LAMB4: variants seen among roughly 807,000 people sequenced by gnomAD.
LAMB4 encodes laminin subunit beta-4.
In LAMB4, 196 loss-of-function variants were observed where a neutral mutation model predicts 199.2. The ratio of observed to expected loss-of-function variants is 0.98; its 90% CI spans 0.88 to 1.11. LAMB4 has a LOEUF of 1.11. Among genes scored for constraint, LAMB4 ranks in the 50% least tolerant of loss-of-function variants. The pLI, the probability that LAMB4 is intolerant of heterozygous loss-of-function variation, is 0.00. For synonymous variants in LAMB4, 744 were observed against 770.6 expected, an observed-to-expected ratio of 0.97 and a Z score of 0.57; for missense variants, 2,080 against 2,171.2, an observed-to-expected ratio of 0.96 and a Z score of 0.83.
At chr7:108,116,693 G>A (rs1229906601) in intron 2 of LAMB4, among the ~76,000 whole-genome samples, 2 of 152,126 alleles carry the variant, frequency 1.3e-5, no homozygotes, top group Non-Finnish European at 2.9e-5. Flanking sequence ...AAACACTTGG[G>A]AAATCCTAAA....
At chr7:108,113,428 C>T (rs904433061) in intron 3 of LAMB4, among the ~76,000 whole-genome samples, 6 of 152,124 alleles carry the variant, frequency 3.9e-5, no homozygotes, top group Non-Finnish European at 5.9e-5. Flanking sequence ...ATCAACCCTT[C>T]GAGAGATTCA....
At position 108,116,009 on chromosome 7, in the gene LAMB4, G is replaced by C; in HGVS notation, c.187C>G (p.Leu63Val). 6.2e-7 allele frequency: 1 copy of C among 1,611,372 alleles called. No individual in the cohort carries two copies. The highest frequency in any genetic ancestry group is 8.5e-7 in the Non-Finnish European group (1 of 1,178,362). ...TAAACAAAGAGCCAACCCACCTCCAGGTAACTGAGGATGCAGTATTTCTGG... is the reference window on the plus strand; with the variant it reads ...TAAACAAAGAGCCAACCCACCTCCACGTAACTGAGGATGCAGTATTTCTGG... ...RAQKYCILSYLEGEQKCFICD... is the reference protein window; with the variant it reads ...RAQKYCILSYVEGEQKCFICD... Residue 63 changes from leucine to valine, a missense_variant, in exon 3 of 34, where the codon CTG (leucine) becomes GTG (valine). Transcript: ENST00000388781.
At chr7:108,112,799 G>T (rs979550923) in intron 3 of LAMB4, among the ~76,000 whole-genome samples, 10 of 152,312 alleles carry the variant, frequency 6.6e-5, no homozygotes, top group Non-Finnish European at 1.3e-4. Context: ...GGAAGCGGGG[G>T]CTGATCATTA....
intron 16 of LAMB4, among the ~76,000 whole-genome samples, 154 bp from the exon 17 acceptor site, chr7:108,077,218 T>C (rs1224308024): frequency 6.6e-6 from 1 of 152,050 alleles, no homozygotes; most frequent in Non-Finnish European, 1.5e-5. Flanking sequence ...CACAGGTGGG[T>C]TGGTTGGATG....
chr7:108,026,569 A>C (rs1008420769), intron 33 of LAMB4: 1 of 168,264 alleles, frequency 5.9e-6, no homozygotes, highest in African/African-American at 2.4e-5. Flanking sequence ...GGTTATTTTA[A>C]GCCATTACAT....
chr7:108,129,288 C>A (rs2038900568), intron 1 of LAMB4, among the ~76,000 whole-genome samples: 1 of 152,202 alleles, frequency 6.6e-6, no homozygotes, highest in African/African-American at 2.4e-5. Context: ...TCTACTACAG[C>A]ACCTTTCTTC....
intron 29 of LAMB4, among the ~76,000 whole-genome samples, chr7:108,042,941 G>C (rs1232371341): frequency 7.8e-5 from 10 of 127,828 alleles, no homozygotes; most frequent in Admixed American, 7.8e-5. Flanking sequence ...CAATCTCTGT[G>C]TGTGTGTGTG....
intron 8 of LAMB4, among the ~76,000 whole-genome samples, chr7:108,104,939 G>C (rs374170249): frequency 1.3e-4 from 20 of 152,128 alleles, no homozygotes; most frequent in African/African-American, 4.1e-4. Context: ...GGGGAGTTGG[G>C]GGGGAGTAGT....
chr7:108,033,735 ATT>A (rs556578520), intron 31 of LAMB4, among the ~76,000 whole-genome samples: 21,085 of 101,854 alleles, frequency 0.21, 3,282 homozygotes, highest in African/African-American at 0.5. Context: ...TTGGATGAGT[ATT>A]TTTTTTTTTT....
At chr7:108,066,736 C>A in intron 19 of LAMB4, 136 bp from the exon 20 acceptor site, 2 of 596,738 alleles carry the variant, frequency 3.4e-6, no homozygotes, top group South Asian at 4.3e-5. Flanking sequence ...TAGGACACAG[C>A]ATATAATGAG....
intron 14 of LAMB4, among the ~76,000 whole-genome samples, chr7:108,090,881 T>A (rs536271290): frequency 6.6e-6 from 1 of 152,258 alleles, no homozygotes; most frequent in African/African-American, 2.4e-5. Context: ...CCTGCTATGG[T>A]CTTGATCCTA....
At chr7:108,125,412 G>A (rs1158629163) in intron 1 of LAMB4, among the ~76,000 whole-genome samples, 1 of 152,164 alleles carries the variant, frequency 6.6e-6, no homozygotes, top group Non-Finnish European at 1.5e-5. Context: ...GGCATTATGG[G>A]CATTTAATAA....
At position 108,049,315 on chromosome 7, in the gene LAMB4, T is replaced by G; in HGVS notation, c.4122+11A>C. 3 of 1,421,122 alleles carry G rather than the reference T, an allele frequency of 2.1e-6. No homozygotes were observed. Among genetic ancestry groups the G allele is most frequent in the Non-Finnish European group, 3.0e-6 (3 of 1,012,602 alleles). The allele number at this position is 1,421,122 out of a possible 1,614,324, so 88.0% of individuals were successfully genotyped here. Reference sequence around the variant, plus strand: ...CACAAATGCTTTGACCTTACCATCATGAATATTTACCTTTTCATTCAATAT... The same window carrying G: ...CACAAATGCTTTGACCTTACCATCAGGAATATTTACCTTTTCATTCAATAT... On this transcript the variant is annotated intron_variant, in intron 27 of 33. Transcript: ENST00000388781.
chr7:108,129,660 C>T lies in LAMB4; in HGVS notation c.-34+646G>A, dbSNP rs573812477. The stretch of plus-strand genomic sequence containing the variant: ...TTAAGCAGTCCTTCCATCTCAACCT[C>T]CTGAGTAGCTGGGATTACAGGCATG... On this transcript the variant is annotated intron_variant, in intron 1 of 33. Coordinates refer to ENST00000388781, the MANE Select transcript of LAMB4 (RefSeq NM_007356.3). Among the ~76,000 whole-genome samples, 7 of 152,100 alleles carry T rather than the reference C, an allele frequency of 4.6e-5. No homozygotes were observed. The East Asian group carries it at 1.4e-3, about 29-fold the overall frequency.
At chr7:108,073,145 A>G (rs1241126830) in intron 17 of LAMB4, among the ~76,000 whole-genome samples, 1 of 152,204 alleles carries the variant, frequency 6.6e-6, no homozygotes, top group African/African-American at 2.4e-5. Flanking sequence ...AGCTGGGACT[A>G]CAGGCAAACA....
intron 29 of LAMB4, among the ~76,000 whole-genome samples, 190 bp downstream of exon 29, chr7:108,043,543 ATGTTTTTTTTTTTTTTTTT>A (rs2035495750): frequency 1.7e-5 from 1 of 59,712 alleles, no homozygotes; most frequent in Admixed American, 2.0e-4. Flanking sequence ...ACTGGCTATG[ATGTTTTTTTTTTTTTTTTT>A]TTTTTTTTTT....
intron 30 of LAMB4, among the ~76,000 whole-genome samples, chr7:108,036,432 C>T (rs1005352840): frequency 5.9e-5 from 9 of 152,276 alleles, no homozygotes; most frequent in Admixed American, 5.9e-4. Flanking sequence ...AGGTGATCTG[C>T]CCGCCTCAGC....
chr7:108,031,577 TACA>T (rs1315981218), intron 31 of LAMB4, among the ~76,000 whole-genome samples: 3 of 152,052 alleles, frequency 2.0e-5, no homozygotes, highest in African/African-American at 7.2e-5. Flanking sequence ...GCATTTTTTC[TACA>T]ACCTATGCAG....
intron 2 of LAMB4, among the ~76,000 whole-genome samples, chr7:108,122,734 T>G (rs1197101607): frequency 6.6e-6 from 1 of 152,208 alleles, no homozygotes; most frequent in African/African-American, 2.4e-5. Context: ...GCCTTTTAGC[T>G]TAGAGCTGCT....
Sources: allele counts gnomAD v4.1 joint callset (sites outside exome capture counted in the v4.1 genomes callset), GRCh38; gene constraint gnomAD v4.1.1; transcripts MANE v1.5; gene names NCBI Gene and HGNC (gene_info 2026-07-23, HGNC 2026-07-21).